Variants in CDK15 observed in about 807,000 individuals in gnomAD.
CDK15 encodes cyclin dependent kinase 15.
CDK15 carries 62 observed loss-of-function variants against 60.3 expected under a neutral mutation model. That is an observed-to-expected ratio of 1.03 (90% CI 0.84 to 1.27). The LOEUF (loss-of-function observed/expected upper bound fraction) is 1.27. Among genes scored for constraint, CDK15 ranks in the 50% most tolerant of loss-of-function variants. CDK15 has a pLI of 0.00. For synonymous variants in CDK15, 194 were observed against 195.7 expected, an observed-to-expected ratio of 0.99 and a Z score of 0.07; for missense variants, 541 against 527.8, an observed-to-expected ratio of 1.03 and a Z score of -0.25.
At chr2:201,858,193 G>A (rs769774592) in intron 10 of CDK15, among the ~76,000 whole-genome samples, 1 of 152,164 alleles carries the variant, frequency 6.6e-6, no homozygotes, top group Non-Finnish European at 1.5e-5. Context: ...TGCTGACCCA[G>A]TCGGATTTCT....
chr2:201,837,434 GAAGGAAGGAAGGA>G (rs1697164222), intron 8 of CDK15, among the ~76,000 whole-genome samples: 1 of 99,548 alleles, frequency 1.0e-5, no homozygotes, highest in East Asian at 3.8e-4. Context: ...GGGAGGAAGG[GAAGGAAGGAAGGA>G]AAGGAAGGAA....
At chr2:201,826,385 G>A (rs1006784312) in intron 6 of CDK15, among the ~76,000 whole-genome samples, 5 of 148,398 alleles carry the variant, frequency 3.4e-5, no homozygotes, top group Non-Finnish European at 4.4e-5. Flanking sequence ...GCGTGAACCC[G>A]GGAGGTAGAG....
At chr2:201,887,330 A>C (rs1699487302) in intron 12 of CDK15, among the ~76,000 whole-genome samples, 1 of 152,240 alleles carries the variant, frequency 6.6e-6, no homozygotes, top group South Asian at 2.1e-4. Flanking sequence ...GGTAGTGTAC[A>C]AAATAAAAAT....
At chr2:201,841,647 T>G (rs183140124) in intron 8 of CDK15, among the ~76,000 whole-genome samples, 138 of 152,334 alleles carry the variant, frequency 9.1e-4, no homozygotes, top group Middle Eastern at 3.4e-3. Flanking sequence ...AGGAGGTAGA[T>G]GACACTGGGT....
chr2:201,821,007 T>G (rs1696197869), intron 4 of CDK15, among the ~76,000 whole-genome samples: 1 of 152,102 alleles, frequency 6.6e-6, no homozygotes, highest in African/African-American at 2.4e-5. Context: ...AACTACAGGC[T>G]GGTAGGGCAT....
chr2:201,873,550 C>T (rs922340195), intron 11 of CDK15, among the ~76,000 whole-genome samples: 2 of 152,178 alleles, frequency 1.3e-5, no homozygotes, highest in Non-Finnish European at 2.9e-5. Flanking sequence ...CTGCCCCTGT[C>T]CCATGGCAGA....
intron 9 of CDK15, among the ~76,000 whole-genome samples, chr2:201,850,249 C>A (rs1697850092): frequency 6.6e-6 from 1 of 151,978 alleles, no homozygotes; most frequent in African/African-American, 2.4e-5. Flanking sequence ...CATAGTGAGA[C>A]CCCCATCTCT....
At chr2:201,815,365 G>A (rs933269613) in intron 4 of CDK15, among the ~76,000 whole-genome samples, 5 of 152,052 alleles carry the variant, frequency 3.3e-5, no homozygotes, top group African/African-American at 2.4e-5. Context: ...GGCTTTCTAC[G>A]CACCCACTGT....
chr2:201,838,149 T>C (rs1414329780), intron 8 of CDK15, among the ~76,000 whole-genome samples: 1 of 152,030 alleles, frequency 6.6e-6, no homozygotes, highest in African/African-American at 2.4e-5. Flanking sequence ...TTCAAGAGTA[T>C]ATATAACATA....
intron 6 of CDK15, among the ~76,000 whole-genome samples, chr2:201,832,169 C>T (rs1250657356): frequency 6.6e-6 from 1 of 152,080 alleles, no homozygotes; most frequent in African/African-American, 2.4e-5. Context: ...CCTCAGCCTC[C>T]CGAGTAGCTG....
intron 11 of CDK15, among the ~76,000 whole-genome samples, chr2:201,879,213 C>G (rs1487137998): frequency 6.6e-6 from 1 of 152,156 alleles, no homozygotes; most frequent in Non-Finnish European, 1.5e-5. Flanking sequence ...TCAAGGGAAC[C>G]AAGAGAGCTT....
intron 11 of CDK15, among the ~76,000 whole-genome samples, chr2:201,879,000 A>G (rs1374908964): frequency 5.3e-5 from 8 of 152,316 alleles, no homozygotes; most frequent in Admixed American, 4.6e-4. Flanking sequence ...TGATAATTTG[A>G]TGAACATCTG....
chr2:201,818,230 C>A (rs530425218), intron 4 of CDK15, among the ~76,000 whole-genome samples: 1 of 152,162 alleles, frequency 6.6e-6, no homozygotes, highest in Non-Finnish European at 1.5e-5. Context: ...AGCCTAAAGA[C>A]GACTTTGACT....
Position 201,844,759 on chromosome 2 carries a change from C to T in CDK15, c.852-2622C>T, listed in dbSNP as rs1161647350. On this transcript the variant is annotated intron_variant, in intron 8 of 13. Coordinates refer to ENST00000652192, the MANE Select transcript of CDK15 (RefSeq NM_001366386.2). ...TTGCTTGAGGTTTGGAGTTCAAGAC[C>T]AGCCTGGGCAACACAGTGAGATCCC... Among the ~76,000 whole-genome samples, 5 of 151,986 alleles carry T rather than the reference C, an allele frequency of 3.3e-5. No individual in the cohort carries two copies. The South Asian group carries it at 1.0e-3, about 32-fold the overall frequency.
chr2:201,888,033 CTTTTT>C (rs80136808), intron 12 of CDK15, among the ~76,000 whole-genome samples: 4 of 126,444 alleles, frequency 3.2e-5, no homozygotes, highest in Admixed American at 8.1e-5. Context: ...AATTTTCAAC[CTTTTT>C]TTTTTTTTTT....
intron 8 of CDK15, among the ~76,000 whole-genome samples, chr2:201,839,704 T>C (rs1403216236): frequency 6.7e-6 from 1 of 149,862 alleles, no homozygotes; most frequent in East Asian, 1.9e-4. Flanking sequence ...ATAGATAAAA[T>C]AACGAAACAA....
At chr2:201,819,899 T>C (rs951291123) in intron 4 of CDK15, among the ~76,000 whole-genome samples, 3 of 152,144 alleles carry the variant, frequency 2.0e-5, no homozygotes, top group Non-Finnish European at 4.4e-5. Context: ...CTACAAAAAC[T>C]GTAATTATCA....
At chr2:201,850,657 T>G (rs1019440146) in intron 9 of CDK15, among the ~76,000 whole-genome samples, 2 of 152,212 alleles carry the variant, frequency 1.3e-5, no homozygotes, top group African/African-American at 4.8e-5. Context: ...ACATGCCCTG[T>G]ATTGGGATTG....
chr2:201,892,207 C>T (rs1375104391), intron 13 of CDK15, among the ~76,000 whole-genome samples: 1 of 151,804 alleles, frequency 6.6e-6, no homozygotes, highest in Non-Finnish European at 1.5e-5. Context: ...ATGGTATTTC[C>T]CAAGCAAAAT....
Sources: allele counts gnomAD v4.1 joint callset (sites outside exome capture counted in the v4.1 genomes callset), GRCh38; gene constraint gnomAD v4.1.1; transcripts MANE v1.5; gene names NCBI Gene and HGNC (gene_info 2026-07-23, HGNC 2026-07-21).